TANGO6: variants seen among roughly 807,000 people sequenced by gnomAD.
The protein encoded by TANGO6 is transport and Golgi organization protein 6 homolog.
TANGO6 carries 90 observed loss-of-function variants against 114.2 expected under a neutral mutation model. The observed-to-expected ratio is 0.79, with a 90% CI of 0.66 to 0.94. The LOEUF (loss-of-function observed/expected upper bound fraction) is 0.94, where lower values mean the gene tolerates loss of function less well. Ranked by LOEUF, TANGO6 falls within the 40% of genes least tolerant of loss-of-function variation. The pLI is 0.00. For missense variants in TANGO6, 1,274 were observed against 1,315.3 expected (o/e 0.97, Z 0.49); for synonymous variants, 477 against 509.8 (o/e 0.94, Z 0.87).
intron 9 of TANGO6, among the ~76,000 whole-genome samples, chr16:68,907,232 C>T (rs1044655090): frequency 1.3e-5 from 2 of 151,766 alleles, no homozygotes; most frequent in African/African-American, 4.8e-5. Context: ...CAGGCGTGAG[C>T]CACCGCGCCT....
chr16:69,000,878 C>T (rs898986155), intron 15 of TANGO6, among the ~76,000 whole-genome samples: 3 of 152,188 alleles, frequency 2.0e-5, no homozygotes, highest in Non-Finnish European at 4.4e-5. Flanking sequence ...AGGCATGAGC[C>T]ACCAAGCCTG....
At chr16:69,023,064 G>A in intron 16 of TANGO6, 85 bp downstream of exon 16, 3 of 1,399,200 alleles carry the variant, frequency 2.1e-6, no homozygotes, top group Non-Finnish European at 1.9e-6. Flanking sequence ...GGAGACCTGG[G>A]CTCTTTTTGC....
intron 15 of TANGO6, among the ~76,000 whole-genome samples, chr16:68,999,185 C>A (rs1964018636): frequency 6.6e-6 from 1 of 152,172 alleles, no homozygotes; most frequent in Admixed American, 6.5e-5. Context: ...GCCCAGCCTT[C>A]TCAGACTTGT....
intron 3 of TANGO6, among the ~76,000 whole-genome samples, chr16:68,866,369 A>G (rs1962177381): frequency 6.6e-6 from 1 of 151,118 alleles, no homozygotes; most frequent in Admixed American, 6.6e-5. Context: ...CACGCCTGTA[A>G]TCCCAGCACT....
Position 68,907,444 on chromosome 16 carries a change from G to T in TANGO6, c.1669G>T (p.Asp557Tyr), listed in dbSNP as rs375326486. Residue 557 changes from aspartate (D) to tyrosine (Y), a missense_variant and splice_region_variant, in exon 10 of 18, where the codon GAT (aspartate) becomes TAT (tyrosine). Asp to Tyr is a radical substitution (Grantham distance 160). Coordinates refer to ENST00000261778, the MANE Select transcript of TANGO6 (RefSeq NM_024562.2). ...GATAAATTTTACCCTGCATTGCAGT[G>T]ATGAAGATGAAGATGAAGCCCTGTA... is the stretch of plus-strand genomic sequence containing the variant. ...IMITIKEAIS[D>Y]EDEDEALYQK... 1.9e-6 allele frequency: 3 copies of T among 1,593,224 alleles called. No homozygotes were observed. Among genetic ancestry groups the T allele is most frequent in the Admixed American group, 1.9e-5 (1 of 53,396 alleles).
chr16:68,910,191 C>T (rs746449288), intron 11 of TANGO6, among the ~76,000 whole-genome samples: 2 of 152,186 alleles, frequency 1.3e-5, no homozygotes, highest in African/African-American at 4.8e-5. Flanking sequence ...TTTGTATGGT[C>T]GTCATTGTCA....
chr16:68,882,423 GA>G (rs1962476265), intron 7 of TANGO6, among the ~76,000 whole-genome samples: 1 of 151,866 alleles, frequency 6.6e-6, no homozygotes, highest in Non-Finnish European at 1.5e-5. Context: ...CGTGAACCTG[GA>G]AGGCAGAGCT....
At position 68,945,278 on chromosome 16, in the gene TANGO6, G is replaced by A. The variant is rs535324606; in HGVS notation, c.2701+14983G>A. ...TGACAAGCTCTGAGGAGTGACAGTG[G>A]TGGGTAAAACTAGTCTTAGAGTTGC... On this transcript the variant is annotated intron_variant, in intron 14 of 17. Coordinates refer to ENST00000261778, the MANE Select transcript of TANGO6 (RefSeq NM_024562.2). 5.4e-4 allele frequency among the ~76,000 whole-genome samples: 83 copies of A among 152,354 alleles called. 3 individuals carry two copies. The South Asian group carries it at 0.016, about 29-fold the overall frequency.
At chr16:68,946,426 C>T (rs563497074) in intron 14 of TANGO6, among the ~76,000 whole-genome samples, 2 of 152,186 alleles carry the variant, frequency 1.3e-5, no homozygotes, top group South Asian at 2.1e-4. Flanking sequence ...GATCTCTTGA[C>T]CTCGTGATCC....
At chr16:68,972,532 C>G (rs1438342800) in intron 14 of TANGO6, among the ~76,000 whole-genome samples, 1 of 152,126 alleles carries the variant, frequency 6.6e-6, no homozygotes, top group Non-Finnish European at 1.5e-5. Context: ...AAATTTATAT[C>G]AGGACTGTAT....
At chr16:68,894,771 A>G (rs1419110228) in intron 7 of TANGO6, among the ~76,000 whole-genome samples, 1 of 152,010 alleles carries the variant, frequency 6.6e-6, no homozygotes, top group Non-Finnish European at 1.5e-5. Context: ...AAATGGTATA[A>G]TTTAGTGGCA....
intron 16 of TANGO6, among the ~76,000 whole-genome samples, chr16:69,031,696 C>T (rs1006946663): frequency 2.0e-5 from 3 of 151,614 alleles, no homozygotes; most frequent in Non-Finnish European, 4.4e-5. Context: ...TTTGCTCTGT[C>T]GCCCAGGCTG....
At position 68,860,006 on chromosome 16, in the gene TANGO6, C is replaced by G; in HGVS notation, c.217C>G (p.Leu73Val). The G allele has an allele frequency of 1.2e-6, 2 of 1,613,934 alleles. No individual in the cohort carries two copies. Among genetic ancestry groups the G allele is most frequent in the Non-Finnish European group, 1.7e-6 (2 of 1,179,870 alleles). Residue 73 changes from leucine (L) to valine (V), a missense_variant, in exon 2 of 18, where the codon CTA becomes GTA. Physicochemically the swap from Leu to Val is conservative, Grantham distance 32 (BLOSUM62 1). Around this residue, in one of 5 missense-constraint regions of TANGO6, gnomAD observed 114 missense variants for 104.6 expected, o/e 1.09. Transcript: ENST00000261778. ...TCCTCAGTGGAAGAATCTGAAACTC[C>G]TAAGAGATGAAATTGCTGATAAGGC... ...KDPQWKNLKL[L>V]RDEIADKAEW...
chr16:69,073,475 G>A (rs1318636105), intron 17 of TANGO6, among the ~76,000 whole-genome samples: 1 of 152,206 alleles, frequency 6.6e-6, no homozygotes, highest in African/African-American at 2.4e-5. Flanking sequence ...GAGGGTTCGT[G>A]CCTTATTCAT....
At chr16:68,935,988 C>T (rs1963295599) in intron 14 of TANGO6, among the ~76,000 whole-genome samples, 1 of 151,976 alleles carries the variant, frequency 6.6e-6, no homozygotes. Flanking sequence ...CAAGACCAGC[C>T]TAGGCAACAT....
intron 14 of TANGO6, among the ~76,000 whole-genome samples, chr16:68,931,311 G>A (rs1298773351): frequency 2.6e-5 from 4 of 152,212 alleles, no homozygotes; most frequent in South Asian, 2.1e-4. Context: ...ATAGGAATGT[G>A]AAATGGTACT....
At chr16:69,074,077 G>C (rs2152243834) in intron 17 of TANGO6, among the ~76,000 whole-genome samples, 1 of 152,256 alleles carries the variant, frequency 6.6e-6, no homozygotes, top group East Asian at 1.9e-4. Context: ...GCCCAGCAGG[G>C]ACCAGGCAGC....
intron 14 of TANGO6, among the ~76,000 whole-genome samples, chr16:68,952,647 T>C (rs1232862128): frequency 3.3e-5 from 5 of 152,212 alleles, no homozygotes; most frequent in Admixed American, 2.6e-4. Context: ...TGGTGGAAGG[T>C]AAACTTAAAT....
Position 68,867,224 on chromosome 16 carries a change from A to G in TANGO6, c.994+4A>G, listed in dbSNP as rs1414772392. Reference sequence around the variant, plus strand: ...GGCATTTTGGAAGGAGCAGGTGGTAAGAAATAAAATGTTGCTGTGACTTTG... The same window carrying G: ...GGCATTTTGGAAGGAGCAGGTGGTAGGAAATAAAATGTTGCTGTGACTTTG... On this transcript the variant is annotated splice_donor_region_variant and intron_variant, in intron 4 of 17. Coordinates refer to ENST00000261778, the MANE Select transcript of TANGO6 (RefSeq NM_024562.2). 1 of 1,613,670 alleles carries G rather than the reference A, an allele frequency of 6.2e-7. No individual in the cohort carries two copies. Among genetic ancestry groups the G allele is most frequent in the Admixed American group, 1.7e-5 (1 of 59,940 alleles).
Sources: gnomAD v4.1 joint callset for allele counts (sites outside exome capture counted in the v4.1 genomes callset) on GRCh38, gnomAD v4.1.1 for gene constraint, gnomAD v4.1.1 regional missense constraint, MANE v1.5 for transcripts, NCBI Gene and HGNC (gene_info 2026-07-23, HGNC 2026-07-21) for gene names.